ANKRD31: variants seen among roughly 807,000 people sequenced by gnomAD.
ANKRD31 encodes ankyrin repeat domain 31.
Under a neutral mutation model 186.0 loss-of-function variants are expected in ANKRD31, and 147 were observed. The ratio of observed to expected loss-of-function variants is 0.79; its 90% CI spans 0.69 to 0.91. The LOEUF is 0.91. Among genes scored for constraint, ANKRD31 ranks in the 40% least tolerant of loss-of-function variants. The probability of loss-of-function intolerance (pLI) is 0.00; values close to 1 mark genes in which losing one functional copy is unlikely to be tolerated. For missense variants in ANKRD31, 1,986 were observed against 2,148.8 expected, an observed-to-expected ratio of 0.92 and a Z score of 1.50; for synonymous variants, 673 against 736.4, an observed-to-expected ratio of 0.91 and a Z score of 1.39.
In ANKRD31 at chr5:75,223,189, G is replaced by C. The variant is rs138764660; in HGVS notation, c.179-831C>G. On this transcript the variant is annotated intron_variant, in intron 2 of 25. Coordinates refer to ENST00000506364, the MANE Select transcript of ANKRD31 (RefSeq NM_001372053.1). ...TGGTTTTAATTTGCATTTCTCTGAT[G>C]ATCAGTGATGTTGAGCTTTTTTTCA... Among the ~76,000 whole-genome samples the C allele has an allele frequency of 3.0e-3, 459 of 152,250 alleles. 3 individuals are homozygous for C. Among genetic ancestry groups the C allele is most frequent in the African/African-American group, 9.8e-3 (408 of 41,550 alleles).
At chr5:75,179,319 G>C (rs557938562) in intron 10 of ANKRD31, among the ~76,000 whole-genome samples, 16 of 152,252 alleles carry the variant, frequency 1.1e-4, no homozygotes, top group African/African-American at 3.9e-4. Flanking sequence ...GGAGGAGCTG[G>C]TACCATTCCT....
At chr5:75,227,082 C>T (rs1419587072) in intron 2 of ANKRD31, among the ~76,000 whole-genome samples, 2 of 152,124 alleles carry the variant, frequency 1.3e-5, no homozygotes, top group Non-Finnish European at 2.9e-5. Flanking sequence ...TATATATACA[C>T]AGTGGAGTAC....
At chr5:75,225,824 G>A (rs924194872) in intron 2 of ANKRD31, among the ~76,000 whole-genome samples, 2 of 152,204 alleles carry the variant, frequency 1.3e-5, no homozygotes, top group African/African-American at 4.8e-5. Flanking sequence ...TTAGGTGTGA[G>A]TTCAGCCACA....
intron 11 of ANKRD31, among the ~76,000 whole-genome samples, chr5:75,164,634 G>A (rs1752798098): frequency 6.6e-6 from 1 of 152,166 alleles, no homozygotes; most frequent in Non-Finnish European, 1.5e-5. Flanking sequence ...TCACCAACTG[G>A]ATTTCCAGAA....
rs189267951 is a variant in ANKRD31, at chr5:75,194,890, G to A, written c.1017+741C>T. 5.1e-3 allele frequency among the ~76,000 whole-genome samples: 780 copies of A among 152,212 alleles called. 8 individuals are homozygous for A. Among genetic ancestry groups the A allele is most frequent in the Middle Eastern group, 0.024 (7 of 294 alleles). ...ATTACCTCTAAAGAGTGAAACTGTG[G>A]AGGATATTTGTTACCATATTATTAT... On this transcript the variant is annotated intron_variant, in intron 7 of 25. Transcript: ENST00000506364.
chr5:75,231,106 T>G (rs1757926694), intron 1 of ANKRD31, among the ~76,000 whole-genome samples: 1 of 152,164 alleles, frequency 6.6e-6, no homozygotes, highest in Non-Finnish European at 1.5e-5. Flanking sequence ...AGACACAGTC[T>G]CTCTCTGTCA....
At chr5:75,154,120 T>G in intron 12 of ANKRD31, 81 bp downstream of exon 12, 2 of 1,255,026 alleles carry the variant, frequency 1.6e-6, no homozygotes, top group Non-Finnish European at 2.1e-6. Context: ...GAAAAATAAA[T>G]TTAATTTCTT....
At chr5:75,093,099 T>G (rs1746050207) in intron 22 of ANKRD31, among the ~76,000 whole-genome samples, 2 of 151,974 alleles carry the variant, frequency 1.3e-5, no homozygotes, top group Non-Finnish European at 2.9e-5. Context: ...CAGAGAAATA[T>G]GGAACACCAT....
chr5:75,082,887 T>C (rs957116927), intron 24 of ANKRD31, among the ~76,000 whole-genome samples: 5 of 152,198 alleles, frequency 3.3e-5, no homozygotes, highest in African/African-American at 1.2e-4. Context: ...GCAGAAAAAC[T>C]GGAACCCTTG....
At chr5:75,092,235 G>A (rs538334118) in intron 22 of ANKRD31, among the ~76,000 whole-genome samples, 2 of 152,336 alleles carry the variant, frequency 1.3e-5, no homozygotes, top group South Asian at 4.1e-4. Flanking sequence ...GCAATTGTGA[G>A]TAGACTGGTA....
Position 75,169,128 on chromosome 5 carries a change from T to C in ANKRD31, c.1565-7A>G. On this transcript the variant is annotated splice_region_variant and splice_polypyrimidine_tract_variant and intron_variant, in intron 10 of 25. Coordinates refer to ENST00000506364, the MANE Select transcript of ANKRD31 (RefSeq NM_001372053.1). The stretch of plus-strand genomic sequence containing the variant: ...TCATGAAGTGCTGTCCAACCTATCA[T>C]ACAAAAAGATACGGCATTTGTTTAC... 2.6e-6 allele frequency: 4 copies of C among 1,532,060 alleles called. No homozygotes were observed. Among genetic ancestry groups the C allele is most frequent in the Non-Finnish European group, 3.5e-6 (4 of 1,143,018 alleles). 94.9% of individuals were successfully genotyped at this position (1,532,060 alleles called of 1,614,324 possible).
At chr5:75,226,356 AC>A (rs1258155884) in intron 2 of ANKRD31, among the ~76,000 whole-genome samples, 1 of 152,086 alleles carries the variant, frequency 6.6e-6, no homozygotes, top group East Asian at 1.9e-4. Context: ...AAGACTCAGT[AC>A]CGTGCTGGGT....
At chr5:75,212,658 T>C (rs190996349) in intron 3 of ANKRD31, among the ~76,000 whole-genome samples, 7 of 152,262 alleles carry the variant, frequency 4.6e-5, no homozygotes, top group Admixed American at 4.6e-4. Flanking sequence ...TCTTAATACA[T>C]ATCAGAAAAT....
chr5:75,176,245 C>T (rs990123858), intron 10 of ANKRD31, among the ~76,000 whole-genome samples: 2 of 152,208 alleles, frequency 1.3e-5, no homozygotes, highest in Non-Finnish European at 1.5e-5. Context: ...GAAGCTCGAA[C>T]TGGGTGGAGC....
chr5:75,192,002 T>C (rs1182585439), intron 9 of ANKRD31, among the ~76,000 whole-genome samples: 2 of 152,100 alleles, frequency 1.3e-5, no homozygotes, highest in Non-Finnish European at 2.9e-5. Flanking sequence ...AAACCATTCT[T>C]TCTTCTAAAT....
At chr5:75,140,319 AAGGAAGGAAGGT>A (rs1473673276) in intron 15 of ANKRD31, among the ~76,000 whole-genome samples, 18 of 150,558 alleles carry the variant, frequency 1.2e-4, no homozygotes, top group Non-Finnish European at 2.1e-4. Context: ...GGAAGGAAGG[AAGGAAGGAAGGT>A]AGGAAGGAAG....
intron 20 of ANKRD31, among the ~76,000 whole-genome samples, chr5:75,109,801 G>A (rs145848230): frequency 1.3e-5 from 2 of 152,166 alleles, no homozygotes; most frequent in African/African-American, 4.8e-5. Context: ...CCATCTGAGA[G>A]TGAGAGTCTG....
In ANKRD31 at chr5:75,111,024, C is replaced by G. The variant is rs1019975425; in HGVS notation, c.4243+1489G>C. The stretch of plus-strand genomic sequence containing the variant: ...GAAAAAGCTACATATTGTAGAACAG[C>G]AAAAAATTGGAAATCAAATGTTCAA... On this transcript the variant is annotated intron_variant, in intron 20 of 25. Transcript: ENST00000506364. Among the ~76,000 whole-genome samples the G allele has an allele frequency of 4.0e-5, 6 of 150,784 alleles. No homozygotes were observed. In the East Asian group the frequency reaches 9.8e-4, roughly 25 times the overall value.
In ANKRD31 at chr5:75,219,656, T is replaced by C. The variant is rs545163553; in HGVS notation, c.288+2593A>G. ...CAGAAAAAAACTATTCTAAAATTCA[T>C]AGGGAACCAGAAAAGATCCCGAATA... On this transcript the variant is annotated intron_variant, in intron 3 of 25. Transcript: ENST00000506364. 3.0e-3 allele frequency among the ~76,000 whole-genome samples: 459 copies of C among 152,212 alleles called. 2 individuals are homozygous for C. Among genetic ancestry groups the C allele is most frequent in the Admixed American group, 5.1e-3 (78 of 15,292 alleles).
Sources: allele counts gnomAD v4.1 joint callset (sites outside exome capture counted in the v4.1 genomes callset), GRCh38; gene constraint gnomAD v4.1.1; transcripts MANE v1.5; gene names NCBI Gene and HGNC (gene_info 2026-07-23, HGNC 2026-07-21).